The following IRGM variants were observed in gnomAD, a reference collection of about 807,000 sequenced individuals.
IRGM encodes the protein immunity-related GTPase family M protein.
For synonymous variants in IRGM, 98 were observed against 80.6 expected (o/e 1.22, Z -1.16); for missense variants, 288 against 219.9 (o/e 1.31, Z -1.96).
chr5:150,876,236 A>G (rs1754361113), intron 1 of IRGM, among the ~76,000 whole-genome samples: 1 of 152,178 alleles, frequency 6.6e-6, no homozygotes, highest in African/African-American at 2.4e-5. Flanking sequence ...TCAGCATCCA[A>G]TATATGGTAC....
At chr5:150,848,756 G>A (rs7705542), downstream of IRGM, 122,688 of 936,924 alleles carry the variant, frequency 0.13, 13,890 homozygotes, top group African/African-American at 0.44. Flanking sequence ...CACACCTGGT[G>A]CAGAAGGGTA....
At chr5:150,860,910 T>C (rs2113264213) in intron 1 of IRGM, among the ~76,000 whole-genome samples, 1 of 152,322 alleles carries the variant, frequency 6.6e-6, no homozygotes, top group Middle Eastern at 3.4e-3. Context: ...GTATATTACA[T>C]GATGGTATTG....
chr5:150,896,354 T>C, intron 3 of IRGM: 1 of 1,613,634 alleles, frequency 6.2e-7, no homozygotes, highest in Non-Finnish European at 8.5e-7. Flanking sequence ...AATCATATGG[T>C]TTCTTTCCAG....
Position 150,847,160 on chromosome 5 carries a change from A to C in IRGM, c.-476A>C, listed in dbSNP as rs10059011. On this transcript the variant is annotated 5_prime_UTR_variant, in exon 1 of 2. Transcript: ENST00000522154. ...CTCGGGGGTCAAAGGCTGGTGGCTT[A>C]CTTCACGTATATTGCAGCATTTCAG... 80,455 of 152,154 alleles carry C rather than the reference A, an allele frequency of 0.53. 21,478 individuals carry two copies. Among genetic ancestry groups the C allele is most frequent in the African/African-American group, 0.56 (23,139 of 41,414 alleles). 9.4% of individuals were successfully genotyped at this position (152,154 alleles called of 1,614,324 possible).
chr5:150,862,138 T>A (rs1754145721), intron 1 of IRGM, among the ~76,000 whole-genome samples: 1 of 152,064 alleles, frequency 6.6e-6, no homozygotes, highest in African/African-American at 2.4e-5. Flanking sequence ...TTTTCAAGAG[T>A]TTTTTCCTTG....
At chr5:150,870,713 T>A (rs1754271034) in intron 1 of IRGM, among the ~76,000 whole-genome samples, 2 of 152,022 alleles carry the variant, frequency 1.3e-5, no homozygotes, top group Admixed American at 1.3e-4. Flanking sequence ...GGTAACTAAG[T>A]TGGGGTTTGT....
At chr5:150,872,252 C>G (rs1754295743) in intron 1 of IRGM, among the ~76,000 whole-genome samples, 1 of 152,184 alleles carries the variant, frequency 6.6e-6, no homozygotes, top group South Asian at 2.1e-4. Context: ...TTCCGATGAG[C>G]CTTTTTTTGC....
intron 1 of IRGM, among the ~76,000 whole-genome samples, chr5:150,872,253 C>CT (rs982191744): frequency 3.3e-5 from 5 of 152,094 alleles, no homozygotes; most frequent in African/African-American, 7.2e-5. Flanking sequence ...TCCGATGAGC[C>CT]TTTTTTTGCC....
intron 1 of IRGM, among the ~76,000 whole-genome samples, chr5:150,869,667 T>G (rs1481395051): frequency 6.6e-6 from 1 of 152,128 alleles, no homozygotes; most frequent in Non-Finnish European, 1.5e-5. Flanking sequence ...TTGTTATGGG[T>G]TTGTTCAGGG....
chr5:150,877,387 G>A (rs184419619), intron 1 of IRGM, among the ~76,000 whole-genome samples: 84 of 152,152 alleles, frequency 5.5e-4, no homozygotes, highest in African/African-American at 1.5e-3. Context: ...TTAGTCTTCC[G>A]GCCTACATCT....
chr5:150,887,676 A>G (rs1754546927), intron 3 of IRGM, among the ~76,000 whole-genome samples: 2 of 148,584 alleles, frequency 1.3e-5, no homozygotes, highest in African/African-American at 5.0e-5. Context: ...AAAAAAAAAG[A>G]CTGTTAAAGG....
intron 1 of IRGM, among the ~76,000 whole-genome samples, chr5:150,863,761 C>A (rs1352586222): frequency 6.6e-6 from 1 of 152,168 alleles, no homozygotes; most frequent in Non-Finnish European, 1.5e-5. Context: ...TACACCTGAA[C>A]CGATAATTTC....
At chr5:150,850,425 A>T (rs1011327321), downstream of IRGM, among the ~76,000 whole-genome samples, 5 of 152,224 alleles carry the variant, frequency 3.3e-5, no homozygotes, top group African/African-American at 1.2e-4. Flanking sequence ...TATTTAAGAA[A>T]TGCTTCCATG....
chr5:150,857,325 C>G (rs890563358), intron 1 of IRGM, among the ~76,000 whole-genome samples: 5 of 152,074 alleles, frequency 3.3e-5, no homozygotes, highest in African/African-American at 1.2e-4. Flanking sequence ...TTAATCCAGT[C>G]TATCATTGTT....
intron 3 of IRGM, among the ~76,000 whole-genome samples, chr5:150,880,819 C>T (rs995754269): frequency 3.3e-5 from 5 of 152,074 alleles, no homozygotes; most frequent in African/African-American, 4.8e-5. Context: ...TGATTTCAAA[C>T]GTCTTCAGTT....
chr5:150,890,450 T>G (rs535635508), intron 3 of IRGM, among the ~76,000 whole-genome samples: 128 of 152,052 alleles, frequency 8.4e-4, no homozygotes, highest in South Asian at 3.5e-3. Context: ...CAGCTTTTGA[T>G]GTATTTTCTT....
chr5:150,883,570 T>A (rs778031543), intron 3 of IRGM, among the ~76,000 whole-genome samples: 4 of 151,736 alleles, frequency 2.6e-5, no homozygotes. Context: ...ATACATTACA[T>A]TACAATTGAA....
chr5:150,864,690 G>T (rs1754180864), intron 1 of IRGM, among the ~76,000 whole-genome samples: 1 of 152,204 alleles, frequency 6.6e-6, no homozygotes, highest in Admixed American at 6.5e-5. Flanking sequence ...ACAAGGTTGG[G>T]TCTGCCCACA....
chr5:150,866,098 C>T (rs1466001959), intron 1 of IRGM, among the ~76,000 whole-genome samples: 2 of 152,158 alleles, frequency 1.3e-5, no homozygotes, highest in East Asian at 3.8e-4. Context: ...TTGTTAACTC[C>T]CTGTACAGTC....
Sources: allele counts gnomAD v4.1 joint callset (sites outside exome capture counted in the v4.1 genomes callset), GRCh38; gene constraint gnomAD v4.1.1; transcripts MANE v1.5; gene names NCBI Gene and HGNC (gene_info 2026-07-23, HGNC 2026-07-21).